Variants in KCTD20 observed in about 807,000 individuals in gnomAD.
KCTD20 encodes the protein BTB/POZ domain-containing protein KCTD20.
Under a neutral mutation model 39.6 loss-of-function variants are expected in KCTD20, and 30 were observed. That is an observed-to-expected ratio of 0.76 (90% CI 0.57 to 1.03). The LOEUF (loss-of-function observed/expected upper bound fraction) is 1.03. Ranked by LOEUF, KCTD20 falls within the 50% of genes least tolerant of loss-of-function variation. KCTD20 has a pLI of 0.00. For synonymous variants in KCTD20, 162 were observed against 180.6 expected (o/e 0.90, Z 0.83); for missense variants, 422 against 522.0 (o/e 0.81, Z 1.87).
intron 5 of KCTD20, among the ~76,000 whole-genome samples, chr6:36,480,891 T>C (rs1460339270): frequency 6.6e-6 from 1 of 152,216 alleles, no homozygotes; most frequent in African/African-American, 2.4e-5. Flanking sequence ...GCTTTATAGA[T>C]ACGGACTTGC....
chr6:36,473,751 C>A (rs1185195460), intron 2 of KCTD20, among the ~76,000 whole-genome samples: 1 of 150,644 alleles, frequency 6.6e-6, no homozygotes, highest in East Asian at 2.0e-4. Flanking sequence ...CCAGCCTGGG[C>A]GACAGTGTGA....
chr6:36,446,798 T>C (rs545536353), intron 1 of KCTD20, among the ~76,000 whole-genome samples: 2 of 152,334 alleles, frequency 1.3e-5, no homozygotes, highest in African/African-American at 4.8e-5. Flanking sequence ...ATGTTTTAGC[T>C]TGGAATCCCC....
At chr6:36,466,688 T>G (rs1240521810) in intron 1 of KCTD20, among the ~76,000 whole-genome samples, 1 of 152,072 alleles carries the variant, frequency 6.6e-6, no homozygotes, top group African/African-American at 2.4e-5. Flanking sequence ...TGCCTTTTTT[T>G]CTTTCCTTTT....
In KCTD20 at chr6:36,484,732, T is replaced by C; in HGVS notation, c.875T>C (p.Leu292Pro). 2 of 1,589,112 alleles carry C rather than the reference T, an allele frequency of 1.3e-6. No individual in the cohort carries two copies. The highest frequency in any genetic ancestry group is 1.7e-6 in the Non-Finnish European group (2 of 1,162,146). The change falls in exon 7 of 8, where the codon CTC becomes CCC. Residue 292 changes from leucine (L) to proline (P), a missense_variant. Leu to Pro is a moderately conservative substitution (Grantham distance 98, BLOSUM62 -3). Transcript: ENST00000373731. ...EYSQILYSSK[L>P]YRFFKYIENR... ...TTTTCAGTTCTTTATAGCTCCAAGC[T>C]CTACAGATTCTTCAAATATATTGAG...
At chr6:36,475,430 C>T (rs1038931502) in intron 3 of KCTD20, among the ~76,000 whole-genome samples, 9 of 149,332 alleles carry the variant, frequency 6.0e-5, no homozygotes, top group Non-Finnish European at 1.2e-4. Context: ...GCCTGGGTGA[C>T]AGAGCAAGAC....
Position 36,447,792 on chromosome 6 carries a change from A to G in KCTD20, c.-47+4681A>G, listed in dbSNP as rs959796784. Among the ~76,000 whole-genome samples, 5 of 151,744 alleles carry G rather than the reference A, an allele frequency of 3.3e-5. 1 individual carries two copies. In the East Asian group the frequency reaches 9.6e-4, roughly 29 times the overall value. On this transcript the variant is annotated intron_variant, in intron 1 of 7. Transcript: ENST00000373731. ...CATCGCTTGAGCCCAGGAGTTCGAG[A>G]TCAGGCTAAGCAACATGGCACGACT...
At chr6:36,479,305 T>TA in intron 4 of KCTD20, 82 bp downstream of exon 4, 1 of 1,023,268 alleles carries the variant, frequency 9.8e-7, no homozygotes, top group Non-Finnish European at 1.5e-6. Context: ...TCAACTATGT[T>TA]ATTGACTTTA....
chr6:36,471,041 C>G (rs1182909945), intron 2 of KCTD20, among the ~76,000 whole-genome samples: 1 of 151,762 alleles, frequency 6.6e-6, no homozygotes, highest in Non-Finnish European at 1.5e-5. Flanking sequence ...ATCTCAGCTA[C>G]TTGGGAGTAT....
At chr6:36,472,100 G>A (rs544061625) in intron 2 of KCTD20, among the ~76,000 whole-genome samples, 1 of 152,048 alleles carries the variant, frequency 6.6e-6, no homozygotes, top group Non-Finnish European at 1.5e-5. Context: ...CGCCCGCCTC[G>A]GCCTTCCAAA....
intron 1 of KCTD20, among the ~76,000 whole-genome samples, chr6:36,459,924 T>C (rs891248788): frequency 1.3e-5 from 2 of 152,268 alleles, no homozygotes; most frequent in South Asian, 2.1e-4. Flanking sequence ...AATATACTTT[T>C]AATTTTTTAA....
At chr6:36,448,040 T>TATATATATA (rs1561940752) in intron 1 of KCTD20, among the ~76,000 whole-genome samples, 7 of 146,238 alleles carry the variant, frequency 4.8e-5, no homozygotes, top group African/African-American at 1.5e-4. Context: ...TATATATATA[T>TATATATATA]TTGAAATACT....
intron 1 of KCTD20, among the ~76,000 whole-genome samples, chr6:36,454,301 C>T (rs1775358605): frequency 6.6e-6 from 1 of 151,724 alleles, no homozygotes; most frequent in African/African-American, 2.4e-5. Context: ...TGCTTTTGCT[C>T]TATAATAGTA....
At chr6:36,448,088 GC>G (rs1455712920) in intron 1 of KCTD20, among the ~76,000 whole-genome samples, 18 of 148,704 alleles carry the variant, frequency 1.2e-4, no homozygotes, top group Non-Finnish European at 2.4e-4. Flanking sequence ...CTTTATCTCT[GC>G]CCTTACTAAA....
intron 2 of KCTD20, among the ~76,000 whole-genome samples, chr6:36,474,435 G>A (rs1776003144): frequency 6.6e-6 from 1 of 152,166 alleles, no homozygotes; most frequent in Non-Finnish European, 1.5e-5. Context: ...GGAAGGTATA[G>A]GGAATAGCAG....
Position 36,478,558 on chromosome 6 carries a change from C to T in KCTD20, c.435-563C>T, listed in dbSNP as rs1776142525. On this transcript the variant is annotated intron_variant, in intron 3 of 7. Coordinates refer to ENST00000373731, the MANE Select transcript of KCTD20 (RefSeq NM_173562.5). ...TTTGTATTGAGTAAGGCCATTTTTC[C>T]CCCAGAGCTCGACTATTAAGACATA... Among the ~76,000 whole-genome samples the T allele has an allele frequency of 3.3e-5, 5 of 152,018 alleles. No individual in the cohort carries two copies. In the South Asian group the frequency reaches 1.0e-3, roughly 31 times the overall value.
chr6:36,467,325 T>C (rs1311325811), intron 1 of KCTD20, among the ~76,000 whole-genome samples: 373 of 10,024 alleles, frequency 0.037, 11 homozygotes, highest in Non-Finnish European at 0.071. Context: ...AGGATTTTTT[T>C]TTTTTTTTTT....
In KCTD20 at chr6:36,479,220, G is replaced by C. The variant is rs765472578; in HGVS notation, c.534G>C (p.Val178=). 1 of 1,608,174 alleles carries C rather than the reference G, an allele frequency of 6.2e-7. No homozygotes were observed. The highest frequency in any genetic ancestry group is 8.5e-7 in the Non-Finnish European group (1 of 1,175,768). ...TCAGTGCAACTGTATTTCGCACAGT[G>C]CTGGTGTGTGGTAGCCTTTTTTGTT... ...EGISATVFRT[V]LDYYKTGIIN... The change falls in exon 4 of 8, where the codon GTG becomes GTC. Residue 178 remains valine, a synonymous_variant. Transcript: ENST00000373731.
chr6:36,446,677 C>A (rs1167211575), intron 1 of KCTD20, among the ~76,000 whole-genome samples: 1 of 152,202 alleles, frequency 6.6e-6, no homozygotes, highest in Non-Finnish European at 1.5e-5. Flanking sequence ...TAACTACTAA[C>A]CTCATCCAAT....
chr6:36,473,334 C>T (rs1257653432), intron 2 of KCTD20, among the ~76,000 whole-genome samples: 2 of 151,882 alleles, frequency 1.3e-5, no homozygotes, highest in East Asian at 1.9e-4. Context: ...AGTGCTGGGA[C>T]TACAGGCGTG....
Sources: allele counts gnomAD v4.1 joint callset (sites outside exome capture counted in the v4.1 genomes callset), GRCh38; gene constraint gnomAD v4.1.1; transcripts MANE v1.5; gene names NCBI Gene and HGNC (gene_info 2026-07-23, HGNC 2026-07-21).